The following PTK2 variants were observed in gnomAD, a reference collection of about 807,000 sequenced individuals.
The protein encoded by PTK2 is focal adhesion kinase 1.
PTK2 carries 45 observed loss-of-function variants against 150.1 expected under a neutral mutation model. The ratio of observed to expected loss-of-function variants is 0.30; its 90% CI spans 0.24 to 0.38. The LOEUF (loss-of-function observed/expected upper bound fraction) is 0.38, where lower values mean the gene tolerates loss of function less well. PTK2 is among the 10% of genes least tolerant of loss of function. The pLI, the probability that PTK2 is intolerant of heterozygous loss-of-function variation, is 1.00. For missense variants in PTK2, 919 were observed against 1,307.3 expected, an observed-to-expected ratio of 0.70 and a Z score of 4.58; for synonymous variants, 432 against 449.2, an observed-to-expected ratio of 0.96 and a Z score of 0.48.
intron 10 of PTK2, among the ~76,000 whole-genome samples, chr8:140,816,333 G>A (rs1377333184): frequency 6.6e-6 from 1 of 152,060 alleles, no homozygotes; most frequent in African/African-American, 2.4e-5. Flanking sequence ...AAGAAGTCCT[G>A]AAACACAATA....
intron 1 of PTK2, among the ~76,000 whole-genome samples, chr8:140,999,534 A>G (rs1195046035): frequency 6.6e-6 from 1 of 152,238 alleles, no homozygotes; most frequent in Non-Finnish European, 1.5e-5. Context: ...TTTGAATATC[A>G]TAGGGCTTTT....
At chr8:140,982,081 A>C (rs28438589) in intron 1 of PTK2, among the ~76,000 whole-genome samples, 28 of 146,624 alleles carry the variant, frequency 1.9e-4, no homozygotes, top group East Asian at 4.0e-4. Context: ...AAAAAAAAAA[A>C]AATGACTCAG....
At chr8:140,674,350 C>G in exon 29 of PTK2, 1 of 1,607,962 alleles carries the variant, frequency 6.2e-7, no homozygotes, top group Non-Finnish European at 8.5e-7. Flanking sequence ...GGCAAGGCTT[C>G]CCAGATGACC....
chr8:140,802,649 T>C (rs766019148), intron 11 of PTK2, among the ~76,000 whole-genome samples: 1 of 152,202 alleles, frequency 6.6e-6, no homozygotes. Context: ...GCTCCACTCA[T>C]GGTAAGGGCT....
rs760382566 is a variant in PTK2, at chr8:140,879,646, TA to T, written c.196-10del. On this transcript the variant is annotated splice_polypyrimidine_tract_variant and intron_variant, in intron 3 of 31. Coordinates refer to ENST00000522684, the Ensembl canonical transcript of PTK2. ...ATCTTCTGAATGATGCCCTAAAACA[TA>T]CCCCCCACAAGAATGACTGTTATAA... The T allele has an allele frequency of 2.2e-6, 1 of 445,052 alleles. No individual in the cohort carries two copies. Among genetic ancestry groups the T allele is most frequent in the Admixed American group, 3.2e-5 (1 of 30,934 alleles). The allele number at this position is 445,052 out of a possible 1,614,324, so 27.6% of individuals were successfully genotyped here. A position where few individuals can be genotyped will look rare whatever the true frequency, so the allele number is the denominator to read the frequency against.
intron 4 of PTK2, among the ~76,000 whole-genome samples, chr8:140,876,124 G>A (rs28582089): frequency 0.024 from 3,701 of 151,858 alleles, 158 homozygotes; most frequent in African/African-American, 0.086. Flanking sequence ...TTATGTGTGC[G>A]TTCTTCAAAT....
intron 28 of PTK2, 80 bp from the exon 32 acceptor site, chr8:140,674,484 A>C (rs2100012426): frequency 7.8e-7 from 1 of 1,288,646 alleles, no homozygotes; most frequent in Non-Finnish European, 1.1e-6. Flanking sequence ...TCATGCCTAT[A>C]ATCTCAGCAC....
intron 26 of PTK2, among the ~76,000 whole-genome samples, chr8:140,699,083 AT>A (rs370889843): frequency 3.3e-5 from 5 of 150,776 alleles, no homozygotes; most frequent in East Asian, 3.9e-4. Flanking sequence ...AAAAATAACA[AT>A]TTTTTTTTCC....
At chr8:140,760,756 T>C (rs943605388) in intron 16 of PTK2, among the ~76,000 whole-genome samples, 1 of 152,240 alleles carries the variant, frequency 6.6e-6, no homozygotes, top group Admixed American at 6.5e-5. Context: ...TAAGCTATTA[T>C]TAAAGCAATC....
rs189069686 is a variant in PTK2, at chr8:140,813,523, G to A, written c.867+4754C>T. On this transcript the variant is annotated intron_variant, in intron 10 of 31. Transcript: ENST00000522684. ...AAAACCACACAATTACATGGAAATCGAATAAACTGCTCCCAAATGACTTTT... is the reference window on the plus strand; with the variant it reads ...AAAACCACACAATTACATGGAAATCAAATAAACTGCTCCCAAATGACTTTT... Among the ~76,000 whole-genome samples the A allele has an allele frequency of 3.8e-3, 581 of 151,546 alleles. 3 individuals carry two copies. Among genetic ancestry groups the A allele is most frequent in the Non-Finnish European group, 4.5e-3 (307 of 67,976 alleles).
chr8:140,927,877 C>A (rs1406010668), intron 1 of PTK2, among the ~76,000 whole-genome samples: 2 of 144,588 alleles, frequency 1.4e-5, no homozygotes, highest in Non-Finnish European at 3.0e-5. Flanking sequence ...ATCGCTTGAA[C>A]CTGGTTGCAA....
At chr8:140,705,938 G>A (rs1031431971) in intron 24 of PTK2, among the ~76,000 whole-genome samples, 181 bp downstream of exon 27, 1 of 152,228 alleles carries the variant, frequency 6.6e-6, no homozygotes, top group Non-Finnish European at 1.5e-5. Flanking sequence ...AAAAACAAAC[G>A]CCTTCTGCGT....
chr8:140,665,040 G>A (rs1260525051), intron 30 of PTK2, 43 bp from the exon 35 acceptor site: 2 of 1,513,872 alleles, frequency 1.3e-6, no homozygotes, highest in South Asian at 1.2e-5. Flanking sequence ...CACACACAAA[G>A]GATTTTTATG....
chr8:140,672,371 G>A (rs2153229059), intron 29 of PTK2, among the ~76,000 whole-genome samples: 1 of 152,286 alleles, frequency 6.6e-6, no homozygotes, highest in East Asian at 1.9e-4. Context: ...CCAATATTGG[G>A]AAGGGTGTGT....
exon 12 of PTK2, chr8:140,800,536 T>C (rs780283460): frequency 6.2e-7 from 1 of 1,613,946 alleles, no homozygotes; most frequent in East Asian, 2.2e-5. Context: ...GTCAGCCATA[T>C]TCTCCGCAAT....
chr8:140,696,918 C>T (rs1422866549), intron 26 of PTK2, among the ~76,000 whole-genome samples: 1 of 151,898 alleles, frequency 6.6e-6, no homozygotes, highest in Non-Finnish European at 1.5e-5. Flanking sequence ...TACCATCTCA[C>T]AGGCATTAAG....
intron 4 of PTK2, among the ~76,000 whole-genome samples, chr8:140,873,157 ATGTAATCACTTGACAT>A (rs2100143506): frequency 6.6e-6 from 1 of 152,270 alleles, no homozygotes; most frequent in Non-Finnish European, 1.5e-5. Flanking sequence ...ATGGTAGGGC[ATGTAATCACTTGACAT>A]TCAAGAGAAT....
chr8:141,002,010 A>T (rs1241965976), upstream of PTK2: 1 of 152,252 alleles, frequency 6.6e-6, no homozygotes, highest in East Asian at 1.9e-4. Flanking sequence ...CGAGGGCTAC[A>T]GACCTGAGAC....
At chr8:140,741,597 G>A (rs2100055710) in intron 20 of PTK2, among the ~76,000 whole-genome samples, 1 of 152,014 alleles carries the variant, frequency 6.6e-6, no homozygotes, top group South Asian at 2.1e-4. Context: ...GTAAAAATCT[G>A]GGCTCATTTT....
Sources: gnomAD v4.1 joint callset for allele counts (sites outside exome capture counted in the v4.1 genomes callset) on GRCh38, gnomAD v4.1.1 for gene constraint, MANE v1.5 for transcripts, NCBI Gene and HGNC (gene_info 2026-07-23, HGNC 2026-07-21) for gene names.